ABCA12: variants seen among roughly 807,000 people sequenced by gnomAD.
The protein encoded by ABCA12 is ATP binding cassette subfamily A member 12.
In ABCA12, 156 loss-of-function variants were observed where a neutral mutation model predicts 293.5. That is an observed-to-expected ratio of 0.53 (90% CI 0.47 to 0.61). The LOEUF (loss-of-function observed/expected upper bound fraction) is 0.61, where lower values mean the gene tolerates loss of function less well. ABCA12 is among the 20% of genes least tolerant of loss of function. The probability of loss-of-function intolerance (pLI) is 0.00; values close to 1 mark genes in which losing one functional copy is unlikely to be tolerated. For synonymous variants in ABCA12, 1,063 were observed against 1,108.0 expected, an observed-to-expected ratio of 0.96 and a Z score of 0.81; for missense variants, 2,797 against 3,090.2, an observed-to-expected ratio of 0.91 and a Z score of 2.25.
intron 7 of ABCA12, among the ~76,000 whole-genome samples, chr2:215,042,818 C>T (rs1701126128): frequency 6.6e-6 from 1 of 152,104 alleles, no homozygotes; most frequent in African/African-American, 2.4e-5. Flanking sequence ...CTAATTGTAA[C>T]TTTCTACCCC....
Position 215,032,033 on chromosome 2 carries a change from A to T in ABCA12, c.986-137T>A, listed in dbSNP as rs967529047. ...GCAGAATCATTCTCAAAAGAATTGT[A>T]TAAAAGACATCTATGCTCTTTTGTT... On this transcript the variant is annotated intron_variant, in intron 8 of 52. Transcript: ENST00000272895. 15 of 1,533,398 alleles carry T rather than the reference A, an allele frequency of 9.8e-6. No individual in the cohort carries two copies. The African/African-American group carries it at 1.4e-4, about 14-fold the overall frequency. The allele number at this position is 1,533,398 out of a possible 1,614,324, so 95.0% of individuals were successfully genotyped here. A position where few individuals can be genotyped will look rare whatever the true frequency, so the allele number is the denominator to read the frequency against.
chr2:214,941,838 G>A (rs1321471479), intron 50 of ABCA12, among the ~76,000 whole-genome samples: 2 of 151,130 alleles, frequency 1.3e-5, no homozygotes, highest in Non-Finnish European at 2.9e-5. Context: ...TTTATTTTGA[G>A]CCCATGTGTG....
chr2:215,001,834 T>C (rs930675639), intron 20 of ABCA12, 97 bp from the exon 21 acceptor site: 39 of 1,072,460 alleles, frequency 3.6e-5, no homozygotes, highest in Non-Finnish European at 4.7e-5. Flanking sequence ...CTAAACTAGA[T>C]TATAAATAAC....
At chr2:215,114,268 C>T (rs1350275733) in intron 1 of ABCA12, among the ~76,000 whole-genome samples, 2 of 152,108 alleles carry the variant, frequency 1.3e-5, no homozygotes, top group African/African-American at 2.4e-5. Flanking sequence ...TCACCGCACC[C>T]GGCCAAATTT....
rs147609828 is a variant in ABCA12 at position 215,089,313 on chromosome 2, C to T, written c.163+22284G>A. 4.3e-3 allele frequency among the ~76,000 whole-genome samples: 658 copies of T among 151,708 alleles called. 5 individuals carry two copies. Among genetic ancestry groups the T allele is most frequent in the African/African-American group, 0.015 (636 of 41,402 alleles). The stretch of plus-strand genomic sequence containing the variant: ...TTCCTAAGAATGGGGAACAAAACCA[C>T]GTCAAAAGGAAAAGCATTACTAGGC... On this transcript the variant is annotated intron_variant, in intron 2 of 52. Transcript: ENST00000272895.
chr2:215,010,745 T>C (rs1037614310), intron 17 of ABCA12, among the ~76,000 whole-genome samples: 1 of 152,274 alleles, frequency 6.6e-6, no homozygotes, highest in South Asian at 2.1e-4. Flanking sequence ...CATTTCAGAA[T>C]GGCTAACAGA....
intron 7 of ABCA12, among the ~76,000 whole-genome samples, chr2:215,043,162 G>C (rs1180697333): frequency 6.6e-6 from 1 of 152,096 alleles, no homozygotes; most frequent in Non-Finnish European, 1.5e-5. Flanking sequence ...TTTCCCTGAT[G>C]ATGAGTGATG....
chr2:214,983,623 G>A (rs754185583), intron 29 of ABCA12, 24 bp downstream of exon 29: 5 of 1,604,906 alleles, frequency 3.1e-6, no homozygotes, highest in Non-Finnish European at 4.3e-6. Flanking sequence ...AGCAACTTAG[G>A]TTCTCATTCC....
chr2:215,051,919 C>A (rs1358678227), intron 5 of ABCA12, among the ~76,000 whole-genome samples: 1 of 152,102 alleles, frequency 6.6e-6, no homozygotes, highest in African/African-American at 2.4e-5. Context: ...CGTACACACA[C>A]TCACACACAC....
Position 215,019,615 on chromosome 2 carries a change from T to C in ABCA12, c.1469A>G (p.His490Arg). ...GTEIAASLLY[H>R]DNVISKKVRD... ...CACTTTTTTAGATATGACATTGTCA[T>C]GGTACAGTAAGCTGGCTGCTATTTC... Residue 490 changes from histidine (H) to arginine (R), a missense_variant, in exon 12 of 53, where the codon CAT becomes CGT. Transcript: ENST00000272895. 1 of 1,614,220 alleles carries C rather than the reference T, an allele frequency of 6.2e-7. No individual in the cohort carries two copies. Among genetic ancestry groups the C allele is most frequent in the Non-Finnish European group, 8.5e-7 (1 of 1,180,038 alleles).
chr2:215,135,686 T>C (rs140095258), intron 1 of ABCA12, among the ~76,000 whole-genome samples: 50 of 152,348 alleles, frequency 3.3e-4, no homozygotes, highest in African/African-American at 1.2e-3. Context: ...CAAATTCATA[T>C]GTACCTTCAT....
At chr2:215,063,951 A>T in intron 3 of ABCA12, 115 bp downstream of exon 3, 1 of 1,273,210 alleles carries the variant, frequency 7.9e-7, no homozygotes, top group Non-Finnish European at 1.1e-6. Flanking sequence ...CATCACATTT[A>T]TAGACAGAGA....
chr2:214,975,707 C>T (rs1422691099), intron 34 of ABCA12, 78 bp downstream of exon 34: 5 of 1,575,702 alleles, frequency 3.2e-6, no homozygotes, highest in South Asian at 1.1e-5. Context: ...CTCCAGATCT[C>T]ATGGCCTTCA....
At chr2:215,068,107 G>A (rs1340700887) in intron 2 of ABCA12, among the ~76,000 whole-genome samples, 6 of 152,082 alleles carry the variant, frequency 3.9e-5, no homozygotes, top group Admixed American at 6.6e-5. Flanking sequence ...TTAGAGTGAT[G>A]GTTCTCCAAG....
rs1700391825 is a variant in ABCA12, at chr2:215,012,141, A to G, written c.1957-6T>C. 1 of 1,613,372 alleles carries G rather than the reference A, an allele frequency of 6.2e-7. No individual in the cohort carries two copies. Among genetic ancestry groups the G allele is most frequent in the African/African-American group, 1.3e-5 (1 of 74,914 alleles). ...TCTTTCCTCGGGAAAAACACCTAACAGAAACAGAATAAAAATAAATGCTTT... is the reference window on the plus strand; with the variant it reads ...TCTTTCCTCGGGAAAAACACCTAACGGAAACAGAATAAAAATAAATGCTTT... On this transcript the variant is annotated splice_region_variant and splice_polypyrimidine_tract_variant and intron_variant, in intron 15 of 52. Coordinates refer to ENST00000272895, the MANE Select transcript of ABCA12 (RefSeq NM_173076.3).
intron 41 of ABCA12, among the ~76,000 whole-genome samples, chr2:214,957,434 G>A (rs913155740): frequency 6.6e-6 from 1 of 152,182 alleles, no homozygotes; most frequent in Admixed American, 6.6e-5. Context: ...AAAGTACTAA[G>A]TAGACCTTCA....
chr2:214,998,175 A>T (rs894629586), intron 22 of ABCA12, among the ~76,000 whole-genome samples: 2 of 152,264 alleles, frequency 1.3e-5, no homozygotes, highest in African/African-American at 4.8e-5. Context: ...AGGCAGATTT[A>T]AAATGAGACG....
At chr2:215,107,481 A>C (rs1407232608) in intron 2 of ABCA12, among the ~76,000 whole-genome samples, 2 of 152,362 alleles carry the variant, frequency 1.3e-5, no homozygotes, top group East Asian at 1.9e-4. Context: ...CAGGCTCAAA[A>C]GGTTTTCTTC....
chr2:215,120,807 G>A (rs10932590), intron 1 of ABCA12, among the ~76,000 whole-genome samples: 19,369 of 152,038 alleles, frequency 0.13, 2,086 homozygotes, highest in East Asian at 0.54. Flanking sequence ...CTTTCTTCCC[G>A]TAACTACTGC....
Sources: allele counts gnomAD v4.1 joint callset (sites outside exome capture counted in the v4.1 genomes callset), GRCh38; gene constraint gnomAD v4.1.1; transcripts MANE v1.5; gene names NCBI Gene and HGNC (gene_info 2026-07-23, HGNC 2026-07-21).